The following SEC14L1 variants were observed in gnomAD, a reference collection of about 807,000 sequenced individuals.
SEC14L1 encodes SEC14-like protein 1.
In SEC14L1, 48 loss-of-function variants were observed where a neutral mutation model predicts 85.3. That is an observed-to-expected ratio of 0.56 (90% CI 0.45 to 0.72). The LOEUF (loss-of-function observed/expected upper bound fraction) is 0.72. SEC14L1 is among the 30% of genes least tolerant of loss of function. The pLI is 0.00. For synonymous variants in SEC14L1, 391 were observed against 355.5 expected (o/e 1.10, Z -1.12); for missense variants, 682 against 921.4 (o/e 0.74, Z 3.36).
At position 77,143,487 on chromosome 17, in the gene SEC14L1, G is replaced by A. The variant is rs1973148001; in HGVS notation, c.-30-80G>A. The A allele has an allele frequency of 5.3e-6, 4 of 753,870 alleles. No homozygotes were observed. In the South Asian group the frequency reaches 6.8e-5, roughly 13 times the overall value. 46.7% of individuals were successfully genotyped at this position (753,870 alleles called of 1,614,324 possible). A position where few individuals can be genotyped will look rare whatever the true frequency, so the allele number is the denominator to read the frequency against. On this transcript the variant is annotated intron_variant, in intron 2 of 16. Transcript: ENST00000436233. Reference sequence around the variant, plus strand: ...TGGTCTCTTTCTGTCGTTAGAGTGTGGTATGATGTGTCAGTGCAGACTTAC... The same window carrying A: ...TGGTCTCTTTCTGTCGTTAGAGTGTAGTATGATGTGTCAGTGCAGACTTAC...
At chr17:77,100,688 C>T (rs1438482480) in intron 3 of SEC14L1, among the ~76,000 whole-genome samples, 1 of 151,986 alleles carries the variant, frequency 6.6e-6, no homozygotes, top group Non-Finnish European at 1.5e-5. Context: ...CCACCCACCT[C>T]GGCCTCCCAA....
In SEC14L1 at chr17:77,216,848, C is replaced by T. The variant is rs1361591865; in HGVS notation, c.*2825C>T. The T allele has an allele frequency of 8.9e-6, 4 of 448,412 alleles. No homozygotes were observed. The highest frequency in any genetic ancestry group is 1.2e-5 in the Non-Finnish European group (3 of 251,630). 27.8% of individuals were successfully genotyped at this position (448,412 alleles called of 1,614,324 possible). Reference sequence around the variant, plus strand: ...AGCTATGGTTTGAGTATGCAGTTTGCATCGTGTTTCTACCTTTAGTACCTT... The same window carrying T: ...AGCTATGGTTTGAGTATGCAGTTTGTATCGTGTTTCTACCTTTAGTACCTT... On this transcript the variant is annotated 3_prime_UTR_variant, in exon 17 of 17. Coordinates refer to ENST00000436233, the MANE Select transcript of SEC14L1 (RefSeq NM_001143998.2).
chr17:77,188,233 C>T (rs979356398), intron 3 of SEC14L1, among the ~76,000 whole-genome samples: 3 of 152,196 alleles, frequency 2.0e-5, no homozygotes, highest in African/African-American at 4.8e-5. Flanking sequence ...TGCGCATAGT[C>T]GAGACGCAGA....
At chr17:77,092,058 C>T (rs756147674) in intron 2 of SEC14L1, among the ~76,000 whole-genome samples, 13 of 152,210 alleles carry the variant, frequency 8.5e-5, no homozygotes, top group Non-Finnish European at 4.4e-5. Context: ...ATCCGCCTGC[C>T]TTAGCCTCCC....
intron 3 of SEC14L1, among the ~76,000 whole-genome samples, chr17:77,187,960 G>T (rs1975346127): frequency 1.3e-5 from 2 of 152,138 alleles, no homozygotes; most frequent in South Asian, 4.1e-4. Context: ...GCCTAGGCTG[G>T]TCTCAAACTC....
chr17:77,169,595 T>C (rs1411085085), intron 3 of SEC14L1, among the ~76,000 whole-genome samples: 1 of 152,200 alleles, frequency 6.6e-6, no homozygotes, highest in African/African-American at 2.4e-5. Context: ...GCACTAAAGT[T>C]TGTTTTAAAT....
intron 11 of SEC14L1, among the ~76,000 whole-genome samples, chr17:77,205,790 T>G (rs1976432627): frequency 6.6e-6 from 1 of 152,248 alleles, no homozygotes; most frequent in Non-Finnish European, 1.5e-5. Flanking sequence ...TTTTGCTGAC[T>G]GCTGTATTCT....
intron 3 of SEC14L1, among the ~76,000 whole-genome samples, chr17:77,179,653 CT>C (rs1432880734): frequency 6.6e-6 from 1 of 151,972 alleles, no homozygotes; most frequent in Non-Finnish European, 1.5e-5. Context: ...TCAGAAATGT[CT>C]TGGATTATGT....
chr17:77,151,502 G>C (rs1204882436), intron 3 of SEC14L1, among the ~76,000 whole-genome samples: 1 of 152,152 alleles, frequency 6.6e-6, no homozygotes, highest in African/African-American at 2.4e-5. Flanking sequence ...TAATGCGCTA[G>C]AGTGAAGGCA....
chr17:77,115,061 A>C (rs897426909), intron 3 of SEC14L1, among the ~76,000 whole-genome samples: 7 of 152,126 alleles, frequency 4.6e-5, no homozygotes, highest in Non-Finnish European at 1.0e-4. Flanking sequence ...CCAGTCACAA[A>C]TAAACTGGGA....
chr17:77,209,063 A>G (rs17540750), intron 13 of SEC14L1, among the ~76,000 whole-genome samples: 8,000 of 152,352 alleles, frequency 0.053, 320 homozygotes, highest in Admixed American at 0.12. Flanking sequence ...AGTCAGCTTT[A>G]GTAACTGGGT....
Position 77,206,648 on chromosome 17 carries a change from CAG to C in SEC14L1, c.1342-78_1342-77del. 1.3e-6 allele frequency: 2 copies of C among 1,509,120 alleles called. No homozygotes were observed. The highest frequency in any genetic ancestry group is 1.8e-6 in the Non-Finnish European group (2 of 1,115,580). 93.5% of individuals were successfully genotyped at this position (1,509,120 alleles called of 1,614,324 possible). A position where few individuals can be genotyped will look rare whatever the true frequency, so the allele number is the denominator to read the frequency against. ...AATGTCTTCCCCCCACCCTCCCACT[CAG>C]AATACCACATTGTCATTTTAATCTT... On this transcript the variant is annotated intron_variant, in intron 12 of 16. Coordinates refer to ENST00000436233, the MANE Select transcript of SEC14L1 (RefSeq NM_001143998.2). The surrounding 1 kb of genome is among the most constrained non-coding windows in gnomAD (Gnocchi z 4.3).
Position 77,089,152 on chromosome 17 carries a change from G to T in SEC14L1, c.-358-1G>T. The T allele has an allele frequency of 2.9e-6, 1 of 347,052 alleles. No individual in the cohort carries two copies. The highest frequency in any genetic ancestry group is 2.5e-5 in the South Asian group (1 of 40,782). The allele number at this position is 347,052 out of a possible 1,614,324, so 21.5% of individuals were successfully genotyped here. A position where few individuals can be genotyped will look rare whatever the true frequency, so the allele number is the denominator to read the frequency against. On this transcript the variant is annotated splice_acceptor_variant, in intron 1 of 19. Coordinates refer to the SEC14L1 transcript ENST00000392476. LOFTEE classifies it low-confidence loss of function (5UTR_SPLICE). ...CACATTATGTTACTTTTTCCCCCAA[G>T]GTTTCAACAGAAAATGAGAAATATC...
chr17:77,172,818 A>G (rs1915000), intron 3 of SEC14L1, among the ~76,000 whole-genome samples: 95,184 of 151,824 alleles, frequency 0.63, 30,021 homozygotes, highest in Middle Eastern at 0.73. Flanking sequence ...TGGATGCGGA[A>G]TACAGATTTT....
intron 3 of SEC14L1, among the ~76,000 whole-genome samples, chr17:77,126,973 C>A (rs79389715): frequency 1.3e-5 from 2 of 150,758 alleles, no homozygotes; most frequent in Non-Finnish European, 3.0e-5. Flanking sequence ...TTCTCTCTCT[C>A]TTTTTTTTAA....
chr17:77,196,092 A>T (rs1422253954), intron 7 of SEC14L1, 110 bp from the exon 8 acceptor site: 1 of 766,138 alleles, frequency 1.3e-6, no homozygotes, highest in African/African-American at 1.8e-5. Context: ...CTGCGGTTTC[A>T]TGTGCCTCTA....
At chr17:77,151,869 T>C (rs1555620566) in intron 3 of SEC14L1, among the ~76,000 whole-genome samples, 1 of 152,214 alleles carries the variant, frequency 6.6e-6, no homozygotes, top group Non-Finnish European at 1.5e-5. Context: ...CCAATATTTT[T>C]ATCAGTTGTA....
intron 10 of SEC14L1, among the ~76,000 whole-genome samples, chr17:77,204,011 C>T (rs1280325191): frequency 5.9e-5 from 9 of 152,114 alleles, no homozygotes; most frequent in Non-Finnish European, 1.3e-4. Context: ...AACGCGAGCT[C>T]TTGGCGTCTT....
At chr17:77,186,319 C>G (rs553219904) in intron 3 of SEC14L1, among the ~76,000 whole-genome samples, 2 of 152,326 alleles carry the variant, frequency 1.3e-5, no homozygotes, top group African/African-American at 4.8e-5. Context: ...CAGTCGCACT[C>G]CTGAGTTCTT....
Sources: gnomAD v4.1 joint callset for allele counts (sites outside exome capture counted in the v4.1 genomes callset) on GRCh38, gnomAD v4.1.1 for gene constraint, Gnocchi (gnomAD v3.1) non-coding constraint, MANE v1.5 for transcripts, NCBI Gene and HGNC (gene_info 2026-07-23, HGNC 2026-07-21) for gene names.